Variants in BTRC observed in about 807,000 individuals in gnomAD.
BTRC encodes the protein beta-transducin repeat containing E3 ubiquitin protein ligase, also known as F-box/WD repeat-containing protein 1A.
A neutral mutation model predicts 85.5 loss-of-function variants in BTRC; 42 were observed. The ratio of observed to expected loss-of-function variants is 0.49; its 90% CI spans 0.38 to 0.64. The LOEUF (loss-of-function observed/expected upper bound fraction) is 0.64, where lower values mean the gene tolerates loss of function less well. Ranked by LOEUF, BTRC falls within the 30% of genes least tolerant of loss-of-function variation. The pLI is 0.00. For missense variants in BTRC, 594 were observed against 743.5 expected (o/e 0.80, Z 2.34); for synonymous variants, 255 against 263.3 (o/e 0.97, Z 0.30).
intron 2 of BTRC, among the ~76,000 whole-genome samples, chr10:101,431,422 G>A (rs746947796): frequency 1.7e-4 from 26 of 152,026 alleles, no homozygotes; most frequent in Admixed American, 2.6e-4. Flanking sequence ...CAGGATGTGC[G>A]AGAAACTTAT....
At chr10:101,522,379 A>C (rs1166692081) in intron 5 of BTRC, among the ~76,000 whole-genome samples, 1 of 65,520 alleles carries the variant, frequency 1.5e-5, no homozygotes. Context: ...AAAAAAAACA[A>C]AAAAAAAAAA....
intron 2 of BTRC, among the ~76,000 whole-genome samples, chr10:101,457,152 T>A (rs1026270616): frequency 6.6e-6 from 1 of 152,238 alleles, no homozygotes. Flanking sequence ...TACATGAATA[T>A]GCTCTCTCAA....
chr10:101,428,801 C>T (rs1288790791), intron 1 of BTRC, among the ~76,000 whole-genome samples: 1 of 152,052 alleles, frequency 6.6e-6, no homozygotes, highest in African/African-American at 2.4e-5. Flanking sequence ...ACATAGATCT[C>T]CTTTGGATTT....
intron 13 of BTRC, among the ~76,000 whole-genome samples, chr10:101,547,483 G>A (rs1324806786): frequency 6.6e-6 from 1 of 151,498 alleles, no homozygotes; most frequent in African/African-American, 2.4e-5. Flanking sequence ...TGGGATTACG[G>A]GTGCCTGCCA....
chr10:101,449,766 T>A (rs1323307580), intron 2 of BTRC, among the ~76,000 whole-genome samples: 1 of 152,126 alleles, frequency 6.6e-6, no homozygotes, highest in Non-Finnish European at 1.5e-5. Context: ...CGTATTTCTC[T>A]ACTTTGTACA....
intron 4 of BTRC, among the ~76,000 whole-genome samples, chr10:101,493,564 A>G (rs1946187199): frequency 6.6e-6 from 1 of 152,234 alleles, no homozygotes; most frequent in African/African-American, 2.4e-5. Context: ...GATTATCTAA[A>G]ACATTCTCTG....
chr10:101,494,679 C>A (rs1379298772), intron 4 of BTRC, among the ~76,000 whole-genome samples: 2 of 152,036 alleles, frequency 1.3e-5, no homozygotes, highest in East Asian at 3.9e-4. Context: ...ATGGAAAAGC[C>A]ATGTTTCTTT....
At chr10:101,472,866 C>G (rs1342671543) in intron 3 of BTRC, among the ~76,000 whole-genome samples, 2 of 152,102 alleles carry the variant, frequency 1.3e-5, no homozygotes, top group Non-Finnish European at 2.9e-5. Context: ...TTTTCCTTGG[C>G]TCCGTTCAAG....
intron 4 of BTRC, among the ~76,000 whole-genome samples, chr10:101,502,768 T>C (rs1946427940): frequency 6.6e-6 from 1 of 152,218 alleles, no homozygotes; most frequent in African/African-American, 2.4e-5. Context: ...CAAATATTTT[T>C]GAGCTGCTGT....
At chr10:101,549,995 G>A (rs2062624881) in intron 13 of BTRC, among the ~76,000 whole-genome samples, 1 of 152,138 alleles carries the variant, frequency 6.6e-6, no homozygotes, top group Non-Finnish European at 1.5e-5. Flanking sequence ...GTTTTACAAA[G>A]TAGCAAAGTT....
At chr10:101,484,778 T>C (rs141483391) in intron 4 of BTRC, among the ~76,000 whole-genome samples, 130 of 152,368 alleles carry the variant, frequency 8.5e-4, no homozygotes, top group Non-Finnish European at 1.6e-3. Flanking sequence ...ATTGGGCTTA[T>C]TGCTCTTTCA....
At chr10:101,356,398 C>A (rs1942035897) in intron 1 of BTRC, among the ~76,000 whole-genome samples, 1 of 152,170 alleles carries the variant, frequency 6.6e-6, no homozygotes, top group African/African-American at 2.4e-5. Context: ...ATCCTTTTTA[C>A]TCTCAGTTAG....
chr10:101,419,059 G>A (rs1944026740), intron 1 of BTRC, among the ~76,000 whole-genome samples: 1 of 149,332 alleles, frequency 6.7e-6, no homozygotes, highest in South Asian at 2.1e-4. Context: ...CACCCAGGCT[G>A]GAGTGCAGTG....
chr10:101,525,996 C>G lies in BTRC; in HGVS notation c.557-17C>G, dbSNP rs944855506. ...CCTTCTGTGTTCTTTTTCTTTGCCT[C>G]CTCCCCCTACTGAAAGCTCGGGGAT... On this transcript the variant is annotated splice_polypyrimidine_tract_variant and intron_variant, in intron 5 of 14. Coordinates refer to ENST00000370187, the MANE Select transcript of BTRC (RefSeq NM_033637.4). 1 of 1,609,890 alleles carries G rather than the reference C, an allele frequency of 6.2e-7. No individual in the cohort carries two copies. The highest frequency in any genetic ancestry group is 1.7e-5 in the Admixed American group (1 of 59,724).
intron 13 of BTRC, among the ~76,000 whole-genome samples, chr10:101,540,610 T>G (rs951885582): frequency 1.3e-5 from 2 of 152,240 alleles, no homozygotes; most frequent in Non-Finnish European, 2.9e-5. Context: ...ATGTTAATTT[T>G]AAAATCAGTT....
At chr10:101,490,879 T>A (rs186234667) in intron 4 of BTRC, among the ~76,000 whole-genome samples, 1 of 152,198 alleles carries the variant, frequency 6.6e-6, no homozygotes, top group East Asian at 1.9e-4. Context: ...GCCAACAGGA[T>A]GAAACTTTGT....
At chr10:101,525,851 A>G (rs778529975) in intron 5 of BTRC, among the ~76,000 whole-genome samples, 162 bp from the exon 6 acceptor site, 2 of 152,150 alleles carry the variant, frequency 1.3e-5, no homozygotes, top group Non-Finnish European at 2.9e-5. Flanking sequence ...ATTGACACTC[A>G]TTTTACCCAA....
At chr10:101,355,947 A>C (rs1415076008) in intron 1 of BTRC, among the ~76,000 whole-genome samples, 2 of 152,234 alleles carry the variant, frequency 1.3e-5, no homozygotes, top group Admixed American at 1.3e-4. Context: ...CTTTAGAAGT[A>C]AGTGAAAGTT....
rs999568850 is a variant in BTRC at position 101,554,483 on chromosome 10, A to G, written c.*1360A>G. On this transcript the variant is annotated 3_prime_UTR_variant, in exon 15 of 15. Coordinates refer to ENST00000370187, the MANE Select transcript of BTRC (RefSeq NM_033637.4). ...CTCAAATATTGATCTCACCGTGTCA[A>G]CCTTGCACTGCACAACCTTCCTTCT... is the stretch of plus-strand genomic sequence containing the variant. 12 of 152,646 alleles carry G rather than the reference A, an allele frequency of 7.9e-5. No individual in the cohort carries two copies. The highest frequency in any genetic ancestry group is 2.2e-4 in the African/African-American group (9 of 41,442). The allele number at this position is 152,646 out of a possible 1,614,324, so 9.5% of individuals were successfully genotyped here. A position where few individuals can be genotyped will look rare whatever the true frequency, so the allele number is the denominator to read the frequency against.
Sources: gnomAD v4.1 joint callset for allele counts (sites outside exome capture counted in the v4.1 genomes callset) on GRCh38, gnomAD v4.1.1 for gene constraint, MANE v1.5 for transcripts, NCBI Gene and HGNC (gene_info 2026-07-23, HGNC 2026-07-21) for gene names.